The following GSDME variants were observed in gnomAD, a reference collection of about 807,000 sequenced individuals.
The protein encoded by GSDME is gasdermin E, also known as gasdermin-E.
A neutral mutation model predicts 47.5 loss-of-function variants in GSDME; 44 were observed. The ratio of observed to expected loss-of-function variants is 0.93; its 90% CI spans 0.73 to 1.19. GSDME has a LOEUF of 1.19. Ranked by LOEUF, GSDME falls within the 50% of genes most tolerant of loss-of-function variation. GSDME has a pLI of 0.00. For missense variants in GSDME, 663 were observed against 604.2 expected (o/e 1.10, Z -1.02); for synonymous variants, 258 against 252.8 (o/e 1.02, Z -0.20).
intron 1 of GSDME, among the ~76,000 whole-genome samples, chr7:24,753,320 T>C (rs1790914669): frequency 6.6e-6 from 1 of 152,218 alleles, no homozygotes; most frequent in Non-Finnish European, 1.5e-5. Flanking sequence ...TATAGAGGTG[T>C]AGTTAAAAGG....
At position 24,699,071 on chromosome 7, in the gene GSDME, A is replaced by G. The variant is rs764925434; in HGVS notation, c.1446T>C (p.Cys482=). The change falls in exon 10 of 10, where the codon TGT becomes TGC. Residue 482 remains cysteine (C), a synonymous_variant. Coordinates refer to ENST00000645220, the MANE Select transcript of GSDME (RefSeq NM_001127453.2). ...KDSKVFPLLL[C]ITLNGLCALG... Reference sequence around the variant, plus strand: ...AAGCACAGAGTCCATTCAGGGTTATACAAAGAAGCAGTGGGAAGACTTTAG... The same window carrying G: ...AAGCACAGAGTCCATTCAGGGTTATGCAAAGAAGCAGTGGGAAGACTTTAG... The G allele has an allele frequency of 1.9e-6, 3 of 1,614,166 alleles. No homozygotes were observed. The South Asian group carries it at 3.3e-5, about 18-fold the overall frequency.
At chr7:24,753,939 A>G (rs1037080276) in intron 1 of GSDME, among the ~76,000 whole-genome samples, 1 of 152,238 alleles carries the variant, frequency 6.6e-6, no homozygotes, top group Non-Finnish European at 1.5e-5. Flanking sequence ...ATAACTAGTC[A>G]GCCAGGAAAG....
At position 24,721,444 on chromosome 7, in the gene GSDME, G is replaced by C. The variant is rs77700964; in HGVS notation, c.405-2226C>G. Among the ~76,000 whole-genome samples, 1 of 152,212 alleles carries C rather than the reference G, an allele frequency of 6.6e-6. No individual in the cohort carries two copies. Among genetic ancestry groups the C allele is most frequent in the Non-Finnish European group, 1.5e-5 (1 of 68,032 alleles). ...CCTGGAGCCTGCAGGGCTGGGGTTC[G>C]GATCTCAGCTCTGCCCTCCCACTGG... On this transcript the variant is annotated intron_variant, in intron 3 of 9. Coordinates refer to ENST00000645220, the MANE Select transcript of GSDME (RefSeq NM_001127453.2). This position sits in a 1 kb window ranked among gnomAD's most constrained non-coding sequence, Gnocchi z 4.1.
At chr7:24,791,095 A>C in the GSDME span, among the ~76,000 whole-genome samples, 5 of 152,156 alleles carry the variant, frequency 3.3e-5, no homozygotes, top group Admixed American at 6.5e-5. The surrounding 1 kb of genome is among the most constrained non-coding windows in gnomAD (Gnocchi z 4.8). Context: ...CTTGCCTCCC[A>C]GGTCTCAGGT....
chr7:24,768,526 C>T, the GSDME span, among the ~76,000 whole-genome samples: 1 of 152,192 alleles, frequency 6.6e-6, no homozygotes, highest in Non-Finnish European at 1.5e-5. The surrounding 1 kb of genome is among the most constrained non-coding windows in gnomAD (Gnocchi z 5.6). Context: ...GGGACCCATT[C>T]AAATGGGCCT....
At chr7:24,731,751 G>A (rs941132495) in intron 3 of GSDME, among the ~76,000 whole-genome samples, 1 of 152,166 alleles carries the variant, frequency 6.6e-6, no homozygotes, top group African/African-American at 2.4e-5. Flanking sequence ...ATCCCATTTT[G>A]CTAATCAAAG....
rs1487367386 is a variant in GSDME, at chr7:24,699,173, C to T, written c.1344G>A (p.Val448=). 1.9e-6 allele frequency: 3 copies of T among 1,614,224 alleles called. No individual in the cohort carries two copies. The South Asian group carries it at 3.3e-5, about 18-fold the overall frequency. The change falls in exon 10 of 10, where the codon GTG becomes GTA. Residue 448 remains valine (V), a synonymous_variant. Transcript: ENST00000645220. ...PLKDTERFGI[V]QRLFASADIS... ...TGTCAGCTGAGGCAAACAAGCGCTGCACAATCCCAAACCTTTCTGTATCTT... is the reference window on the plus strand; with the variant it reads ...TGTCAGCTGAGGCAAACAAGCGCTGTACAATCCCAAACCTTTCTGTATCTT...
chr7:24,747,324 C>T, intron 2 of GSDME, among the ~76,000 whole-genome samples: 1 of 152,210 alleles, frequency 6.6e-6, no homozygotes, highest in East Asian at 1.9e-4. Flanking sequence ...CTGGAGACAG[C>T]ACTGGCTGGA....
rs533337123 is a variant in GSDME, at chr7:24,706,435, G to C, written c.991-59C>G. 460 of 1,539,710 alleles carry C rather than the reference G, an allele frequency of 3.0e-4. 2 individuals are homozygous for C. In the African/African-American group the frequency reaches 5.7e-3, roughly 19 times the overall value. ...AGCTGGAGACCAAGCGCCACAGCTGGGGCCTCCGCTCACAGTACACACAAG... is the reference window on the plus strand; with the variant it reads ...AGCTGGAGACCAAGCGCCACAGCTGCGGCCTCCGCTCACAGTACACACAAG... On this transcript the variant is annotated intron_variant, in intron 7 of 9. Coordinates refer to ENST00000645220, the MANE Select transcript of GSDME (RefSeq NM_001127453.2).
chr7:24,781,755 G>T, the GSDME span, among the ~76,000 whole-genome samples: 2 of 151,476 alleles, frequency 1.3e-5, no homozygotes, highest in Non-Finnish European at 2.9e-5. Context: ...TTTGGGGGGT[G>T]GGGGTGGGGA....
chr7:24,717,367 G>A lies in GSDME; in HGVS notation c.584C>T (p.Ala195Val), dbSNP rs534396774. 3.3e-5 allele frequency: 53 copies of A among 1,614,100 alleles called. 2 individuals are homozygous for A. The South Asian group carries it at 4.8e-4, about 15-fold the overall frequency. The change falls in exon 5 of 10, where the codon GCG becomes GTG. Residue 195 changes from alanine (A) to valine (V), a missense_variant. Ala to Val is a moderately conservative substitution (Grantham distance 64). Transcript: ENST00000645220. The part of the protein sequence containing the change: ...GIQTKTVQVS[A>V]TEDGNVTKDS... Reference sequence around the variant, plus strand: ...CTTGGTGACATTCCCATCCTCCGTCGCTGACACCTGTGGGCAAAAGCGCAC... The same window carrying A: ...CTTGGTGACATTCCCATCCTCCGTCACTGACACCTGTGGGCAAAAGCGCAC...
chr7:24,760,088 T>C (rs1159665801), upstream of GSDME, among the ~76,000 whole-genome samples: 1 of 152,200 alleles, frequency 6.6e-6, no homozygotes, highest in Non-Finnish European at 1.5e-5. This position sits in a 1 kb window ranked among gnomAD's most constrained non-coding sequence, Gnocchi z 4.2. Context: ...ATTGGAGTGG[T>C]CCTAATGATG....
intron 1 of GSDME, among the ~76,000 whole-genome samples, chr7:24,751,997 A>G (rs1183202305): frequency 6.6e-6 from 1 of 152,228 alleles, no homozygotes; most frequent in Non-Finnish European, 1.5e-5. Context: ...ACTGTCACAG[A>G]AGTCCTCCTG....
chr7:24,779,498 G>GGTGTGTGTGTGTGTGTGT, the GSDME span, among the ~76,000 whole-genome samples: 1,610 of 143,092 alleles, frequency 0.011, 39 homozygotes, highest in African/African-American at 0.04. The surrounding 1 kb of genome is among the most constrained non-coding windows in gnomAD (Gnocchi z 6.0). Flanking sequence ...AGTGATACAT[G>GGTGTGTGTGTGTGTGTGT]GTGTGTGTGT....
the GSDME span, among the ~76,000 whole-genome samples, chr7:24,774,940 A>T: frequency 3.9e-5 from 6 of 152,168 alleles, no homozygotes; most frequent in Non-Finnish European, 8.8e-5. Context: ...GATGTTTCTG[A>T]ATGCTGGGGG....
At chr7:24,723,827 A>G (rs1056152889) in intron 3 of GSDME, among the ~76,000 whole-genome samples, 5 of 152,190 alleles carry the variant, frequency 3.3e-5, no homozygotes, top group African/African-American at 7.2e-5. Flanking sequence ...TATCTTGCCT[A>G]TGTAACCAGA....
In GSDME at chr7:24,739,378, C is replaced by T. The variant is rs1363068891; in HGVS notation, c.404+5184G>A. On this transcript the variant is annotated intron_variant, in intron 3 of 9. Transcript: ENST00000645220. This position sits in a 1 kb window ranked among gnomAD's most constrained non-coding sequence, Gnocchi z 5.1. ...TGTCAGACAGGCATATGAAAATGTG[C>T]TCAACATCATTGATCATCAGGGAAA... Among the ~76,000 whole-genome samples the T allele has an allele frequency of 6.6e-6, 1 of 152,112 alleles. No homozygotes were observed. The highest frequency in any genetic ancestry group is 6.5e-5 in the Admixed American group (1 of 15,270).
At chr7:24,760,131 G>A (rs527615479), upstream of GSDME, among the ~76,000 whole-genome samples, 6 of 152,270 alleles carry the variant, frequency 3.9e-5, no homozygotes, top group African/African-American at 9.6e-5. This position sits in a 1 kb window ranked among gnomAD's most constrained non-coding sequence, Gnocchi z 4.2. Flanking sequence ...AAAAAGATTC[G>A]TTATATAAAC....
upstream of GSDME, among the ~76,000 whole-genome samples, chr7:24,762,203 G>C (rs989141994): frequency 1.4e-5 from 2 of 146,884 alleles, no homozygotes; most frequent in Admixed American, 6.9e-5. Flanking sequence ...GCAGTGAGCT[G>C]TGATCGTGCC....
Sources: allele counts gnomAD v4.1 joint callset (sites outside exome capture counted in the v4.1 genomes callset), GRCh38; gene constraint gnomAD v4.1.1; non-coding constraint Gnocchi (gnomAD v3.1); transcripts MANE v1.5; gene names NCBI Gene and HGNC (gene_info 2026-07-23, HGNC 2026-07-21).